The following LEKR1 variants were observed in gnomAD, a reference collection of about 807,000 sequenced individuals.
LEKR1 encodes the protein leucine, glutamate and lysine rich 1, also known as protein LEKR1.
A neutral mutation model predicts 72.4 loss-of-function variants in LEKR1; 59 were observed. That is an observed-to-expected ratio of 0.82 (90% CI 0.66 to 1.01). The LOEUF is 1.01. Ranked by LOEUF, LEKR1 falls within the 50% of genes least tolerant of loss-of-function variation. The pLI, the probability that LEKR1 is intolerant of heterozygous loss-of-function variation, is 0.00. For missense variants in LEKR1, 728 were observed against 759.2 expected (o/e 0.96, Z 0.48); for synonymous variants, 257 against 263.2 (o/e 0.98, Z 0.23).
chr3:156,892,341 A>T (rs1453676137), intron 3 of LEKR1, among the ~76,000 whole-genome samples: 1 of 152,184 alleles, frequency 6.6e-6, no homozygotes, highest in Admixed American at 6.5e-5. Flanking sequence ...GATAGATGGG[A>T]TGGGCTCAAG....
chr3:156,999,075 T>G (rs1731814709), intron 9 of LEKR1, among the ~76,000 whole-genome samples: 1 of 152,148 alleles, frequency 6.6e-6, no homozygotes, highest in Non-Finnish European at 1.5e-5. Flanking sequence ...CGGCACTCAC[T>G]CCATCCTGCC....
intron 5 of LEKR1, among the ~76,000 whole-genome samples, chr3:156,939,337 C>A (rs565186034): frequency 6.6e-6 from 1 of 152,190 alleles, no homozygotes; most frequent in Non-Finnish European, 1.5e-5. Context: ...ACAGATCCTT[C>A]CTTCACTGTC....
chr3:156,972,817 C>G (rs2107993777), intron 6 of LEKR1, among the ~76,000 whole-genome samples: 1 of 150,882 alleles, frequency 6.6e-6, no homozygotes, highest in East Asian at 1.9e-4. Flanking sequence ...AAAAATAAGA[C>G]AGGTGTTAGT....
intron 6 of LEKR1, among the ~76,000 whole-genome samples, chr3:156,968,599 C>T (rs1728849510): frequency 6.6e-6 from 1 of 152,192 alleles, no homozygotes; most frequent in Non-Finnish European, 1.5e-5. Context: ...GCACCCAATA[C>T]AGGAGCACCA....
intron 9 of LEKR1, among the ~76,000 whole-genome samples, chr3:157,003,722 C>A (rs777488663): frequency 3.9e-4 from 59 of 152,294 alleles, no homozygotes; most frequent in African/African-American, 9.1e-4. Flanking sequence ...AGGAAACATA[C>A]TCACAGATTC....
At chr3:157,037,403 C>T (rs937087141) in intron 12 of LEKR1, among the ~76,000 whole-genome samples, 15 of 151,814 alleles carry the variant, frequency 9.9e-5, no homozygotes, top group African/African-American at 3.4e-4. Flanking sequence ...GAGAAGGTGG[C>T]AGAGACAAGA....
chr3:156,891,886 T>C (rs1720700233), intron 3 of LEKR1, among the ~76,000 whole-genome samples: 2 of 152,094 alleles, frequency 1.3e-5, no homozygotes, highest in Non-Finnish European at 2.9e-5. Flanking sequence ...GGAATCCAAA[T>C]GTCTGATCAC....
chr3:157,044,750 C>T (rs971735830), intron 12 of LEKR1, among the ~76,000 whole-genome samples: 12 of 152,260 alleles, frequency 7.9e-5, no homozygotes, highest in African/African-American at 2.9e-4. Flanking sequence ...GGGATATTAT[C>T]TTACAGAATG....
At chr3:156,863,676 C>T (rs1560033957) in intron 3 of LEKR1, among the ~76,000 whole-genome samples, 1 of 152,044 alleles carries the variant, frequency 6.6e-6, no homozygotes, top group Non-Finnish European at 1.5e-5. Flanking sequence ...TAAGCAAACA[C>T]AAAGAGATTA....
In LEKR1 at chr3:156,953,561, T is replaced by A. The variant is rs192063221; in HGVS notation, c.745+10847T>A. Among the ~76,000 whole-genome samples, 20 of 151,908 alleles carry A rather than the reference T, an allele frequency of 1.3e-4. 1 individual carries two copies. The East Asian group carries it at 3.9e-3, about 29-fold the overall frequency. On this transcript the variant is annotated intron_variant, in intron 6 of 12. Transcript: ENST00000356539. ...GTGTTGTTTTCCCCATGTGTCCATA[T>A]GTTCCTATCATTCAGCTCCCACTTA... is the stretch of plus-strand genomic sequence containing the variant.
chr3:157,006,224 C>G (rs1018017331), intron 9 of LEKR1, among the ~76,000 whole-genome samples: 1 of 151,542 alleles, frequency 6.6e-6, no homozygotes, highest in African/African-American at 2.4e-5. Flanking sequence ...CCAGGATGGT[C>G]TCGATCTCCT....
At chr3:156,992,819 AT>A (rs1227703457) in intron 8 of LEKR1, 89 bp downstream of exon 8, 2 of 293,410 alleles carry the variant, frequency 6.8e-6, no homozygotes, top group Non-Finnish European at 1.2e-5. Flanking sequence ...GGCACTTATC[AT>A]TTTTTATTTT....
At position 157,028,232 on chromosome 3, in the gene LEKR1, C is replaced by T. The variant is rs769277375; in HGVS notation, c.1498C>T (p.Leu500Phe). The T allele has an allele frequency of 5.0e-6, 8 of 1,613,356 alleles. No individual in the cohort carries two copies. Among genetic ancestry groups the T allele is most frequent in the Non-Finnish European group, 5.9e-6 (7 of 1,179,592 alleles). Reference protein sequence around the residue: ...SNSKEKEIENLKNLVAEFESR... With the variant: ...SNSKEKEIENFKNLVAEFESR... ...TTCAAAGGAAAAAGAAATTGAAAAT[C>T]TTAAAAATTTGGTTGCAGAATTTGA... Residue 500 changes from leucine (L) to phenylalanine (F), a missense_variant, in exon 12 of 13, where the codon CTT becomes TTT. Coordinates refer to ENST00000356539, the MANE Select transcript of LEKR1 (RefSeq NM_001004316.3).
intron 12 of LEKR1, among the ~76,000 whole-genome samples, chr3:157,034,132 A>G (rs1734810005): frequency 2.6e-5 from 4 of 152,166 alleles, no homozygotes. Flanking sequence ...GGAGATGTAC[A>G]AGGGGATTAA....
chr3:157,018,471 T>G (rs1164944707), intron 10 of LEKR1, among the ~76,000 whole-genome samples: 1 of 152,194 alleles, frequency 6.6e-6, no homozygotes, highest in East Asian at 1.9e-4. Context: ...ATCATACAAA[T>G]ATTTTCTCTG....
intron 6 of LEKR1, among the ~76,000 whole-genome samples, chr3:156,976,686 C>G (rs1381173165): frequency 6.6e-6 from 1 of 152,174 alleles, no homozygotes; most frequent in Non-Finnish European, 1.5e-5. Flanking sequence ...ACTTACCACA[C>G]TCTTATGGAC....
intron 12 of LEKR1, among the ~76,000 whole-genome samples, chr3:157,036,900 C>A: frequency 6.6e-6 from 1 of 151,904 alleles, no homozygotes. Context: ...ATATCAACAC[C>A]CAGAAAATGA....
At chr3:157,031,981 A>G (rs1248435296) in intron 12 of LEKR1, among the ~76,000 whole-genome samples, 1 of 152,112 alleles carries the variant, frequency 6.6e-6, no homozygotes, top group Admixed American at 6.6e-5. Context: ...TAAAAAGAGA[A>G]AATGGAAAAT....
At chr3:156,929,099 T>G (rs376685698) in intron 5 of LEKR1, among the ~76,000 whole-genome samples, 2 of 151,032 alleles carry the variant, frequency 1.3e-5, no homozygotes, top group Non-Finnish European at 3.0e-5. Flanking sequence ...TAAGCAACTA[T>G]TAAAAAATGA....
Sources: allele counts gnomAD v4.1 joint callset (sites outside exome capture counted in the v4.1 genomes callset), GRCh38; gene constraint gnomAD v4.1.1; transcripts MANE v1.5; gene names NCBI Gene and HGNC (gene_info 2026-07-23, HGNC 2026-07-21).